The following ANTXR1 variants were observed in gnomAD, a reference collection of about 807,000 sequenced individuals.
ANTXR1 encodes the protein anthrax toxin receptor 1.
In ANTXR1, 19 loss-of-function variants were observed where a neutral mutation model predicts 78.1. The ratio of observed to expected loss-of-function variants is 0.24; its 90% CI spans 0.17 to 0.36. The LOEUF is 0.36. Among genes scored for constraint, ANTXR1 ranks in the 10% least tolerant of loss-of-function variants. ANTXR1 has a pLI of 1.00. For missense variants in ANTXR1, 518 were observed against 718.6 expected (o/e 0.72, Z 3.19); for synonymous variants, 273 against 260.5 (o/e 1.05, Z -0.46).
At position 69,245,365 on chromosome 2, in the gene ANTXR1, C is replaced by A; in HGVS notation, c.1575C>A (p.Pro525=). Residue 525 remains proline (P), a synonymous_variant, in exon 18 of 18, where the codon CCC becomes CCA. Coordinates refer to ENST00000303714, the MANE Select transcript of ANTXR1 (RefSeq NM_032208.3). ...CTGCGCCCCACTGCCCTCCCCCGCC[C>A]CCCAGCGCCCCTACCCCTCCCATCC... is the stretch of plus-strand genomic sequence containing the variant. ...PPPAPHCPPP[P]PSAPTPPIPS... 6.6e-7 allele frequency: 1 copy of A among 1,516,534 alleles called. No individual in the cohort carries two copies. Among genetic ancestry groups the A allele is most frequent in the East Asian group, 2.5e-5 (1 of 40,170 alleles). 93.9% of individuals were successfully genotyped at this position (1,516,534 alleles called of 1,614,324 possible).
At chr2:69,103,054 T>C (rs1287102883) in intron 10 of ANTXR1, 114 bp downstream of exon 10, 5 of 1,142,648 alleles carry the variant, frequency 4.4e-6, no homozygotes, top group African/African-American at 3.0e-5. Context: ...AAGAGTCTTA[T>C]TTGCTGGAAA....
chr2:69,099,205 T>A (rs1671529179), intron 9 of ANTXR1, among the ~76,000 whole-genome samples: 1 of 152,248 alleles, frequency 6.6e-6, no homozygotes, highest in Admixed American at 6.5e-5. Flanking sequence ...AAGGGAGTCA[T>A]GCAATATGTG....
Position 69,124,458 on chromosome 2 carries a change from C to T in ANTXR1, c.873-107C>T, listed in dbSNP as rs1672463795. The T allele has an allele frequency of 3.4e-5, 33 of 974,866 alleles. No individual in the cohort carries two copies. The South Asian group carries it at 4.1e-4, about 12-fold the overall frequency. The allele number at this position is 974,866 out of a possible 1,614,324, so 60.4% of individuals were successfully genotyped here. A position where few individuals can be genotyped will look rare whatever the true frequency, so the allele number is the denominator to read the frequency against. ...TCCCCTGGAGAAGAGACTCCAGTCT[C>T]AAGGGTATTTAAGAGCAGAGCCCAA... On this transcript the variant is annotated intron_variant, in intron 11 of 17. Coordinates refer to ENST00000303714, the MANE Select transcript of ANTXR1 (RefSeq NM_032208.3).
At chr2:69,225,574 C>G (rs1159129782) in intron 17 of ANTXR1, among the ~76,000 whole-genome samples, 1 of 152,000 alleles carries the variant, frequency 6.6e-6, no homozygotes, top group Non-Finnish European at 1.5e-5. Flanking sequence ...AAGAAGACAC[C>G]TCAAGGCAGG....
At chr2:69,072,800 G>A (rs527750188) in intron 5 of ANTXR1, among the ~76,000 whole-genome samples, 1 of 152,350 alleles carries the variant, frequency 6.6e-6, no homozygotes, top group South Asian at 2.1e-4. Context: ...TTCAAGATGA[G>A]GCTGAAAAAT....
chr2:69,140,159 A>G (rs1035076985), intron 12 of ANTXR1, among the ~76,000 whole-genome samples: 37 of 152,234 alleles, frequency 2.4e-4, no homozygotes, highest in African/African-American at 8.7e-4. Context: ...AGAGTACCAC[A>G]AGAGTACTTA....
intron 10 of ANTXR1, 82 bp downstream of exon 10, chr2:69,103,022 C>T (rs1179227258): frequency 4.5e-6 from 6 of 1,325,814 alleles, no homozygotes; most frequent in Non-Finnish European, 6.5e-6. Flanking sequence ...CCAGCAAGGC[C>T]ACACACATGA....
chr2:69,029,382 T>C, intron 1 of ANTXR1, among the ~76,000 whole-genome samples: 1 of 150,228 alleles, frequency 6.7e-6, no homozygotes, highest in East Asian at 1.9e-4. Flanking sequence ...AGAGATACAA[T>C]AAAAAATAAT....
rs1449701115 is a variant in ANTXR1, at chr2:69,071,313, A to G, written c.379-441A>G. On this transcript the variant is annotated intron_variant, in intron 4 of 17. Transcript: ENST00000303714. ...ATAGCCTATTACACACCTAGGCTAT[A>G]TGGTGTAGCCTATTGCTCCTAGGCT... 3.3e-5 allele frequency among the ~76,000 whole-genome samples: 5 copies of G among 152,356 alleles called. No homozygotes were observed. The East Asian group carries it at 9.6e-4, about 29-fold the overall frequency.
intron 3 of ANTXR1, among the ~76,000 whole-genome samples, chr2:69,064,108 A>T (rs1432997524): frequency 6.6e-6 from 1 of 152,212 alleles, no homozygotes; most frequent in East Asian, 1.9e-4. Flanking sequence ...TGAACTAAAG[A>T]TTCCAGATAA....
At chr2:69,207,743 G>A (rs1249303636) in intron 17 of ANTXR1, among the ~76,000 whole-genome samples, 2 of 152,148 alleles carry the variant, frequency 1.3e-5, no homozygotes, top group African/African-American at 2.4e-5. Flanking sequence ...CCCACCCTGT[G>A]TTATAGCTTG....
At chr2:69,237,816 A>G (rs536074982) in intron 17 of ANTXR1, among the ~76,000 whole-genome samples, 3 of 152,368 alleles carry the variant, frequency 2.0e-5, no homozygotes, top group South Asian at 2.1e-4. Flanking sequence ...ACATATGTAG[A>G]CATGCATATA....
chr2:69,155,794 G>A (rs1354799264), intron 13 of ANTXR1, among the ~76,000 whole-genome samples: 2 of 152,094 alleles, frequency 1.3e-5, no homozygotes, highest in African/African-American at 4.8e-5. Flanking sequence ...CCAGGTAGGG[G>A]GTGGCTTTAT....
At chr2:69,210,683 C>T (rs1675018612) in intron 17 of ANTXR1, among the ~76,000 whole-genome samples, 1 of 152,140 alleles carries the variant, frequency 6.6e-6, no homozygotes, top group African/African-American at 2.4e-5. Context: ...GGCCTGTAAT[C>T]CCAGCACTTT....
At chr2:69,048,263 G>A (rs978349486) in intron 3 of ANTXR1, among the ~76,000 whole-genome samples, 1 of 152,072 alleles carries the variant, frequency 6.6e-6, no homozygotes, top group African/African-American at 2.4e-5. Context: ...CTTTTGTTAA[G>A]ATGGTGATAT....
chr2:69,131,555 G>A (rs1672747560), intron 12 of ANTXR1, among the ~76,000 whole-genome samples: 1 of 152,198 alleles, frequency 6.6e-6, no homozygotes, highest in Admixed American at 6.5e-5. Context: ...TGTCTCTCAG[G>A]CATAGTATCG....
intron 1 of ANTXR1, among the ~76,000 whole-genome samples, chr2:69,032,061 G>T (rs1671544398): frequency 6.6e-6 from 1 of 152,148 alleles, no homozygotes; most frequent in African/African-American, 2.4e-5. Context: ...TGGTGAAAAA[G>T]TAGAAGCAAC....
At chr2:69,128,291 A>G (rs1217107865) in intron 12 of ANTXR1, among the ~76,000 whole-genome samples, 2 of 152,196 alleles carry the variant, frequency 1.3e-5, no homozygotes, top group Admixed American at 1.3e-4. Flanking sequence ...AAACTAAGAT[A>G]ATAAAAAATT....
At chr2:69,150,191 G>C (rs1326121096) in intron 12 of ANTXR1, among the ~76,000 whole-genome samples, 1 of 152,188 alleles carries the variant, frequency 6.6e-6, no homozygotes, top group Non-Finnish European at 1.5e-5. Flanking sequence ...ACTCAGAGTG[G>C]GAGTGAGCCA....
Sources: gnomAD v4.1 joint callset for allele counts (sites outside exome capture counted in the v4.1 genomes callset) on GRCh38, gnomAD v4.1.1 for gene constraint, MANE v1.5 for transcripts, NCBI Gene and HGNC (gene_info 2026-07-23, HGNC 2026-07-21) for gene names.